MACROD2: variants seen among roughly 807,000 people sequenced by gnomAD.
MACROD2 encodes the protein ADP-ribose glycohydrolase MACROD2.
In MACROD2, 36 loss-of-function variants were observed where a neutral mutation model predicts 70.4. The observed-to-expected ratio is 0.51, with a 90% CI of 0.39 to 0.68. The LOEUF is 0.68. MACROD2 is among the 30% of genes least tolerant of loss of function. The pLI is 0.00. For synonymous variants in MACROD2, 172 were observed against 178.8 expected, an observed-to-expected ratio of 0.96 and a Z score of 0.30; for missense variants, 496 against 538.4, an observed-to-expected ratio of 0.92 and a Z score of 0.78.
intron 8 of MACROD2, among the ~76,000 whole-genome samples, chr20:15,557,164 C>T (rs2048179262): frequency 6.6e-6 from 1 of 151,422 alleles, no homozygotes; most frequent in Admixed American, 6.6e-5. Flanking sequence ...TTCAAAAAGC[C>T]ACATTCAACG....
At chr20:14,856,286 A>G (rs2073254794) in intron 5 of MACROD2, among the ~76,000 whole-genome samples, 1 of 152,172 alleles carries the variant, frequency 6.6e-6, no homozygotes, top group Admixed American at 6.5e-5. Context: ...ATCTGATTTG[A>G]CTTAGTAAAA....
At chr20:14,940,960 G>A (rs4299400) in intron 5 of MACROD2, among the ~76,000 whole-genome samples, 23,572 of 152,116 alleles carry the variant, frequency 0.15, 2,312 homozygotes, top group Non-Finnish European at 0.22. Flanking sequence ...AAGAATTTGA[G>A]TAGAATTAGT....
At chr20:15,660,222 C>T (rs2049799449) in intron 8 of MACROD2, among the ~76,000 whole-genome samples, 4 of 151,950 alleles carry the variant, frequency 2.6e-5, no homozygotes, top group South Asian at 4.2e-4. Context: ...ATTTTCAAAC[C>T]AGTTCACATC....
chr20:14,030,723 G>T (rs2053236418), intron 2 of MACROD2, among the ~76,000 whole-genome samples: 4 of 152,144 alleles, frequency 2.6e-5, no homozygotes, highest in African/African-American at 9.7e-5. Flanking sequence ...TCAAAAAAAG[G>T]TTTTAAGGAA....
intron 2 of MACROD2, among the ~76,000 whole-genome samples, chr20:14,018,277 T>C (rs2043009208): frequency 6.6e-6 from 1 of 152,100 alleles, no homozygotes; most frequent in Middle Eastern, 3.2e-3. Context: ...TTCTGTTTTA[T>C]TTATCACCAC....
intron 3 of MACROD2, among the ~76,000 whole-genome samples, chr20:14,238,208 G>C (rs1004025974): frequency 1.3e-5 from 2 of 152,118 alleles, no homozygotes; most frequent in African/African-American, 2.4e-5. Flanking sequence ...CCACGATCTT[G>C]TAGGCTGTAT....
intron 3 of MACROD2, among the ~76,000 whole-genome samples, chr20:14,426,029 T>A (rs2083928824): frequency 6.6e-6 from 1 of 152,182 alleles, no homozygotes; most frequent in South Asian, 2.1e-4. Flanking sequence ...GTACACTAGG[T>A]ACCGAAATTT....
rs112217973 is a variant in MACROD2, at chr20:15,683,184, A to G, written c.646-179561A>G. Among the ~76,000 whole-genome samples the G allele has an allele frequency of 7.2e-4, 109 of 152,342 alleles. 1 individual carries two copies. The highest frequency in any genetic ancestry group is 2.5e-3 in the African/African-American group (104 of 41,586). On this transcript the variant is annotated intron_variant, in intron 8 of 17. Coordinates refer to ENST00000684519, the MANE Select transcript of MACROD2 (RefSeq NM_001351661.2). ...ACTTTCATTTATGAGCTGTATATAGAAATCATTGAGTTTCTCTGCCAGAGT... is the reference window on the plus strand; with the variant it reads ...ACTTTCATTTATGAGCTGTATATAGGAATCATTGAGTTTCTCTGCCAGAGT...
intron 3 of MACROD2, among the ~76,000 whole-genome samples, chr20:14,295,204 CT>C (rs1323254910): frequency 1.3e-5 from 2 of 151,852 alleles, no homozygotes; most frequent in Non-Finnish European, 2.9e-5. Context: ...TGGAAACACT[CT>C]TTATTACTCT....
chr20:14,747,711 G>C (rs1180856260), intron 5 of MACROD2, among the ~76,000 whole-genome samples: 1 of 152,076 alleles, frequency 6.6e-6, no homozygotes, highest in Non-Finnish European at 1.5e-5. Context: ...GCAGATTAGA[G>C]TGGTATGATA....
intron 5 of MACROD2, among the ~76,000 whole-genome samples, chr20:14,967,302 C>T (rs1402659966): frequency 3.3e-5 from 5 of 152,092 alleles, no homozygotes; most frequent in Non-Finnish European, 5.9e-5. Context: ...AAGCAATTCA[C>T]CTGCCTCAGC....
chr20:15,264,076 A>C (rs2146051066), intron 6 of MACROD2, among the ~76,000 whole-genome samples: 1 of 152,292 alleles, frequency 6.6e-6, no homozygotes, highest in African/African-American at 2.4e-5. Flanking sequence ...AAAGAATGAC[A>C]ATCTTTGTGC....
At chr20:15,531,105 T>C (rs2047793535) in intron 8 of MACROD2, among the ~76,000 whole-genome samples, 1 of 151,696 alleles carries the variant, frequency 6.6e-6, no homozygotes, top group African/African-American at 2.4e-5. Context: ...CTGCCATTTA[T>C]TCAAAAAGAG....
intron 8 of MACROD2, among the ~76,000 whole-genome samples, chr20:15,828,116 G>C (rs2064017029): frequency 6.6e-6 from 1 of 152,166 alleles, no homozygotes; most frequent in Non-Finnish European, 1.5e-5. Context: ...ATTGCTAAGA[G>C]AGTAGATTGA....
intron 5 of MACROD2, among the ~76,000 whole-genome samples, chr20:14,981,700 G>A (rs1275137378): frequency 6.6e-6 from 1 of 152,042 alleles, no homozygotes; most frequent in Non-Finnish European, 1.5e-5. Flanking sequence ...CATATGAGAT[G>A]TGCCTTTCAC....
rs76423365 is a variant in MACROD2, at chr20:14,287,158, G to T, written c.271+201430G>T. On this transcript the variant is annotated intron_variant, in intron 3 of 17. Transcript: ENST00000684519. ...AATGAGGCATGACCAAGAGATTGTT[G>T]TATCCTTAAGAGGCAAATTCTTAGA... is the stretch of plus-strand genomic sequence containing the variant. 5.5e-4 allele frequency among the ~76,000 whole-genome samples: 84 copies of T among 152,232 alleles called. 1 individual carries two copies. The East Asian group carries it at 0.013, about 23-fold the overall frequency.
chr20:14,332,595 G>A (rs75685575), intron 3 of MACROD2, among the ~76,000 whole-genome samples: 2,162 of 152,132 alleles, frequency 0.014, 14 homozygotes, highest in African/African-American at 0.022. Context: ...TCAAGTATAA[G>A]GTTTTGAGAT....
intron 5 of MACROD2, among the ~76,000 whole-genome samples, chr20:14,992,017 G>T (rs1419473210): frequency 6.6e-6 from 1 of 152,158 alleles, no homozygotes; most frequent in Non-Finnish European, 1.5e-5. Context: ...GTGGTGGGAG[G>T]AGAGGATAGA....
chr20:15,541,367 A>T (rs2047953366), intron 8 of MACROD2, among the ~76,000 whole-genome samples: 1 of 152,168 alleles, frequency 6.6e-6, no homozygotes, highest in Non-Finnish European at 1.5e-5. Context: ...TTGCCTGGAA[A>T]TTTTAAAAAT....
Sources: gnomAD v4.1 joint callset for allele counts (sites outside exome capture counted in the v4.1 genomes callset) on GRCh38, gnomAD v4.1.1 for gene constraint, MANE v1.5 for transcripts, NCBI Gene and HGNC (gene_info 2026-07-23, HGNC 2026-07-21) for gene names.